The following DMXL1 variants were observed in gnomAD, a reference collection of about 807,000 sequenced individuals.
DMXL1 encodes Dmx like 1, also known as dmX-like protein 1.
In DMXL1, 99 loss-of-function variants were observed where a neutral mutation model predicts 319.2. That is an observed-to-expected ratio of 0.31 (90% CI 0.26 to 0.37). DMXL1 has a LOEUF of 0.37. Among genes scored for constraint, DMXL1 ranks in the 10% least tolerant of loss-of-function variants. The probability of loss-of-function intolerance (pLI) is 1.00; values close to 1 mark genes in which losing one functional copy is unlikely to be tolerated. For synonymous variants in DMXL1, 1,385 were observed against 1,235.2 expected, an observed-to-expected ratio of 1.12 and a Z score of -2.54; for missense variants, 3,745 against 3,595.6, an observed-to-expected ratio of 1.04 and a Z score of -1.06.
At chr5:119,121,202 G>C (rs941097501) in intron 9 of DMXL1, 63 bp downstream of exon 9, 79 of 1,352,148 alleles carry the variant, frequency 5.8e-5, no homozygotes, top group Non-Finnish European at 7.3e-5. Flanking sequence ...TAACAACTAA[G>C]TTATACTTTT....
intron 9 of DMXL1, among the ~76,000 whole-genome samples, chr5:119,121,408 C>T (rs941076800): frequency 6.6e-6 from 1 of 151,832 alleles, no homozygotes; most frequent in Non-Finnish European, 1.5e-5. Context: ...CTCTGGTTTT[C>T]CTAGGCAGAG....
At chr5:119,103,322 A>G (rs1165890241) in intron 3 of DMXL1, among the ~76,000 whole-genome samples, 2 of 152,198 alleles carry the variant, frequency 1.3e-5, no homozygotes, top group Non-Finnish European at 2.9e-5. Flanking sequence ...AATAGCAGAC[A>G]TACCTTTATA....
At chr5:119,212,828 G>C (rs1783036277) in intron 34 of DMXL1, among the ~76,000 whole-genome samples, 1 of 151,976 alleles carries the variant, frequency 6.6e-6, no homozygotes, top group South Asian at 2.1e-4. Context: ...TGCAAGTTCT[G>C]TCTCTATTTT....
chr5:119,237,104 G>T, intron 39 of DMXL1: 1 of 296,548 alleles, frequency 3.4e-6, no homozygotes, highest in East Asian at 6.0e-5. Flanking sequence ...GTAATAAAAT[G>T]GGTGTCTGAT....
chr5:119,127,508 A>AGT (rs1763870649), intron 9 of DMXL1, among the ~76,000 whole-genome samples: 6 of 152,214 alleles, frequency 3.9e-5, no homozygotes, highest in Non-Finnish European at 7.3e-5. Context: ...AGTGACCGAT[A>AGT]GCTCACTGCA....
chr5:119,210,757 G>GTTTTTTTTTTTTTTTTTTTTTTTTC, intron 34 of DMXL1, among the ~76,000 whole-genome samples: 2 of 89,780 alleles, frequency 2.2e-5, no homozygotes, highest in African/African-American at 8.2e-5. Context: ...TTTTTCTTTC[G>GTTTTTTTTTTTTTTTTTTTTTTTTC]TTTTTTTTTT....
chr5:119,072,514 C>G (rs556939290), intron 1 of DMXL1, among the ~76,000 whole-genome samples: 20 of 152,026 alleles, frequency 1.3e-4, no homozygotes, highest in Non-Finnish European at 2.9e-4. Flanking sequence ...CCTGGGAATA[C>G]TAAGTGCTGT....
chr5:119,123,320 AGG>A (rs1267767719), intron 9 of DMXL1, among the ~76,000 whole-genome samples: 2 of 80,088 alleles, frequency 2.5e-5, no homozygotes, highest in Non-Finnish European at 4.8e-5. Flanking sequence ...GACCGTGGAA[AGG>A]GGAGAGGGAG....
At chr5:119,244,258 C>T in intron 42 of DMXL1, 101 bp from the exon 43 acceptor site, 1 of 819,256 alleles carries the variant, frequency 1.2e-6, no homozygotes, top group South Asian at 1.8e-5. Context: ...TTGTTTCAGG[C>T]AGGATTGCAA....
chr5:119,095,733 A>T (rs1013903866), intron 1 of DMXL1, among the ~76,000 whole-genome samples: 1 of 152,214 alleles, frequency 6.6e-6, no homozygotes, highest in East Asian at 1.9e-4. Context: ...TTGAAAGACA[A>T]CTTCTCTTAA....
intron 3 of DMXL1, 138 bp downstream of exon 3, chr5:119,102,144 T>A (rs1013624373): frequency 8.4e-5 from 40 of 475,180 alleles, no homozygotes. Flanking sequence ...TCCATTTTGA[T>A]GTTAAAAATA....
intron 24 of DMXL1, 51 bp downstream of exon 24, chr5:119,171,331 T>G: frequency 6.6e-7 from 1 of 1,514,620 alleles, no homozygotes; most frequent in Non-Finnish European, 8.8e-7. Context: ...AAACTGTTTT[T>G]GGTGTTTCTT....
intron 33 of DMXL1, among the ~76,000 whole-genome samples, chr5:119,205,671 A>G (rs1273830656): frequency 6.6e-6 from 1 of 152,114 alleles, no homozygotes; most frequent in Non-Finnish European, 1.5e-5. Context: ...TATTCTTGAT[A>G]GTGATACTCT....
At position 119,159,508 on chromosome 5, in the gene DMXL1, T is replaced by A. The variant is rs1771798103; in HGVS notation, c.4703-4999T>A. Reference sequence around the variant, plus strand: ...CAGGTTGTCTGTGTCTAGGAAGTTATCTATTTCTTCTGGGTTATCCAATTT... The same window carrying A: ...CAGGTTGTCTGTGTCTAGGAAGTTAACTATTTCTTCTGGGTTATCCAATTT... On this transcript the variant is annotated intron_variant, in intron 19 of 43. Transcript: ENST00000539542. 2.6e-5 allele frequency among the ~76,000 whole-genome samples: 4 copies of A among 152,272 alleles called. No individual in the cohort carries two copies. In the South Asian group the frequency reaches 8.3e-4, roughly 32 times the overall value.
chr5:119,127,613 A>G (rs1763893596), intron 9 of DMXL1: 1 of 163,890 alleles, frequency 6.1e-6, no homozygotes, highest in Admixed American at 6.4e-5. Context: ...TAATTTTTGT[A>G]TTTTTAGTAG....
intron 35 of DMXL1, 148 bp from the exon 36 acceptor site, chr5:119,220,324 T>C (rs1381295746): frequency 3.0e-6 from 2 of 660,628 alleles, no homozygotes; most frequent in South Asian, 2.2e-5. Context: ...CTGAAGCTTA[T>C]TATTTCACTA....
intron 23 of DMXL1, among the ~76,000 whole-genome samples, chr5:119,168,552 A>T (rs80161591): frequency 0.039 from 5,865 of 152,282 alleles, 352 homozygotes; most frequent in African/African-American, 0.13. Context: ...CTATCATTTA[A>T]TCAGGAAGTG....
chr5:119,083,820 G>C (rs1161652932), intron 1 of DMXL1, among the ~76,000 whole-genome samples: 1 of 152,114 alleles, frequency 6.6e-6, no homozygotes, highest in Non-Finnish European at 1.5e-5. Flanking sequence ...TTACAGCCCT[G>C]AGCCACCGTG....
In DMXL1 at chr5:119,113,898, G is replaced by A. The variant is rs1234985999; in HGVS notation, c.498-577G>A. Among the ~76,000 whole-genome samples, 6 of 152,202 alleles carry A rather than the reference G, an allele frequency of 3.9e-5. No individual in the cohort carries two copies. In the East Asian group the frequency reaches 1.2e-3, roughly 29 times the overall value. ...ATGCATTTGAGCAAAGAAAAGGAAA[G>A]CAGTGATAGTGGTGAGTGTCTTGAG... On this transcript the variant is annotated intron_variant, in intron 5 of 43. Coordinates refer to ENST00000539542, the MANE Select transcript of DMXL1 (RefSeq NM_001290321.3).
Sources: gnomAD v4.1 joint callset for allele counts (sites outside exome capture counted in the v4.1 genomes callset) on GRCh38, gnomAD v4.1.1 for gene constraint, MANE v1.5 for transcripts, NCBI Gene and HGNC (gene_info 2026-07-23, HGNC 2026-07-21) for gene names.